SLF2: variants seen among roughly 807,000 people sequenced by gnomAD.
SLF2 encodes SMC5-SMC6 complex localization factor protein 2.
SLF2 carries 68 observed loss-of-function variants against 124.3 expected under a neutral mutation model. That is an observed-to-expected ratio of 0.55 (90% CI 0.45 to 0.67). The LOEUF (loss-of-function observed/expected upper bound fraction) is 0.67, where lower values mean the gene tolerates loss of function less well. SLF2 is among the 30% of genes least tolerant of loss of function. The probability of loss-of-function intolerance (pLI) is 0.00; values close to 1 mark genes in which losing one functional copy is unlikely to be tolerated. For synonymous variants in SLF2, 480 were observed against 478.8 expected (o/e 1.00, Z -0.03); for missense variants, 1,246 against 1,373.7 (o/e 0.91, Z 1.47).
At chr10:100,930,375 C>A (rs1374227785) in intron 8 of SLF2, among the ~76,000 whole-genome samples, 5 of 152,202 alleles carry the variant, frequency 3.3e-5, no homozygotes, top group African/African-American at 1.2e-4. Flanking sequence ...GGGTGCTGTT[C>A]TAGCTCCAGC....
intron 19 of SLF2, among the ~76,000 whole-genome samples, chr10:100,960,291 A>G (rs1850404656): frequency 6.6e-6 from 1 of 152,248 alleles, no homozygotes; most frequent in South Asian, 2.1e-4. Context: ...TTGAAAAGGA[A>G]GTCAAATTGC....
rs1271865330 is a variant in SLF2, at chr10:100,963,634, T to A, written c.*1722T>A. The A allele has an allele frequency of 6.5e-6, 1 of 152,674 alleles. No individual in the cohort carries two copies. The highest frequency in any genetic ancestry group is 1.5e-5 in the Non-Finnish European group (1 of 68,034). 9.5% of individuals were successfully genotyped at this position (152,674 alleles called of 1,614,324 possible). A position where few individuals can be genotyped will look rare whatever the true frequency, so the allele number is the denominator to read the frequency against. ...TTGTAGATACATTATTTGTGTGTAA[T>A]TTTATACGTGTTCATATTTTTCTCA... On this transcript the variant is annotated 3_prime_UTR_variant, in exon 20 of 20. Transcript: ENST00000238961.
At position 100,917,768 on chromosome 10, in the gene SLF2, G is replaced by A. The variant is rs561192066; in HGVS notation, c.915+468G>A. Among the ~76,000 whole-genome samples the A allele has an allele frequency of 2.0e-5, 3 of 152,208 alleles. No homozygotes were observed. The South Asian group carries it at 6.2e-4, about 32-fold the overall frequency. ...ATTTTTGTATTTTTTTGTAGAGACA[G>A]GTCTCCCTATACTGCCCAGGCTGGC... On this transcript the variant is annotated intron_variant, in intron 3 of 19. Coordinates refer to ENST00000238961, the MANE Select transcript of SLF2 (RefSeq NM_018121.4).
chr10:100,957,330 A>ATTTTTTTTTTTTTTTTTTTTTTTTT (rs71013477), intron 18 of SLF2, among the ~76,000 whole-genome samples: 1 of 91,830 alleles, frequency 1.1e-5, no homozygotes, highest in Non-Finnish European at 1.9e-5. Context: ...GGAGTCTTCA[A>ATTTTTTTTTTTTTTTTTTTTTTTTT]TTTTTTTTTT....
chr10:100,923,982 T>C lies in SLF2; in HGVS notation c.981T>C (p.Ser327=). The C allele has an allele frequency of 6.5e-7, 1 of 1,539,850 alleles. No homozygotes were observed. The highest frequency in any genetic ancestry group is 8.7e-7 in the Non-Finnish European group (1 of 1,150,760). ...SDSWEPTSAG[S]KQNKFPEKRK... ...ACAAAAATTAAATTTTAGCAGGCTC[T>C]AAGCAGAATAAATTCCCTGAAAAAA... Residue 327 remains serine (S), a synonymous_variant, in exon 5 of 20, where the codon TCT becomes TCC. Transcript: ENST00000238961.
At chr10:100,913,665 T>C (rs1397691266) in intron 1 of SLF2, 39 of 1,017,430 alleles carry the variant, frequency 3.8e-5, no homozygotes, top group African/African-American at 1.7e-4. Flanking sequence ...TAACCTGTGA[T>C]GAGGGAATCC....
chr10:100,960,539 T>C (rs1365321939), intron 19 of SLF2, among the ~76,000 whole-genome samples: 3 of 152,260 alleles, frequency 2.0e-5, no homozygotes, highest in Non-Finnish European at 4.4e-5. Context: ...CATATGCCTA[T>C]TGGTCATTTG....
chr10:100,929,215 T>A, intron 6 of SLF2, 102 bp from the exon 7 acceptor site: 1 of 1,100,150 alleles, frequency 9.1e-7, no homozygotes, highest in Non-Finnish European at 1.2e-6. Flanking sequence ...TATACCAGGG[T>A]ACTTAATAAG....
Position 100,937,485 on chromosome 10 carries a change from T to C in SLF2, c.2512+8T>C. 4 of 1,496,914 alleles carry C rather than the reference T, an allele frequency of 2.7e-6. No individual in the cohort carries two copies. The highest frequency in any genetic ancestry group is 3.7e-6 in the Non-Finnish European group (4 of 1,073,708). 92.7% of individuals were successfully genotyped at this position (1,496,914 alleles called of 1,614,324 possible). On this transcript the variant is annotated splice_region_variant and intron_variant, in intron 10 of 19. Coordinates refer to ENST00000238961, the MANE Select transcript of SLF2 (RefSeq NM_018121.4). The stretch of plus-strand genomic sequence containing the variant: ...AAATAACAATTAGAAATGGTAAGTA[T>C]ATCAACTTATTAAGATTTACCGTGT...
chr10:100,950,630 A>G (rs887194240), intron 16 of SLF2, 46 bp from the exon 17 acceptor site: 1 of 1,491,930 alleles, frequency 6.7e-7, no homozygotes, highest in African/African-American at 1.4e-5. Flanking sequence ...AATGACATCT[A>G]TGCTAGCTAA....
In SLF2 at chr10:100,913,059, G is replaced by T. The variant is rs1167635461; in HGVS notation, c.-52G>T. Reference sequence around the variant, plus strand: ...GTCCCAGCAGCAAGACGGCAACCACGCACCCAACTTCTCCAGCCACGGCTC... The same window carrying T: ...GTCCCAGCAGCAAGACGGCAACCACTCACCCAACTTCTCCAGCCACGGCTC... On this transcript the variant is annotated 5_prime_UTR_variant, in exon 1 of 20. Coordinates refer to ENST00000238961, the MANE Select transcript of SLF2 (RefSeq NM_018121.4). The T allele has an allele frequency of 3.1e-6, 5 of 1,590,734 alleles. No homozygotes were observed. The highest frequency in any genetic ancestry group is 1.3e-5 in the African/African-American group (1 of 74,074).
Position 100,925,961 on chromosome 10 carries a change from C to T in SLF2, c.1984C>T (p.Pro662Ser), listed in dbSNP as rs766532763. ...QSSDYTGHVH[P>S]GTYTNTLERL... ...GTTCTTGTTTTAGGGACATGTTCAT[C>T]CTGGAACTTACACAAATACCTTAGA... Residue 662 changes from proline (P) to serine (S), a missense_variant, in exon 6 of 20, where the codon CCT becomes TCT. Pro to Ser is a moderately conservative substitution (Grantham distance 74). Coordinates refer to ENST00000238961, the MANE Select transcript of SLF2 (RefSeq NM_018121.4). 6 of 1,599,564 alleles carry T rather than the reference C, an allele frequency of 3.8e-6. No individual in the cohort carries two copies. The East Asian group carries it at 1.1e-4, about 30-fold the overall frequency.
intron 11 of SLF2, among the ~76,000 whole-genome samples, chr10:100,941,280 G>A (rs1254116860): frequency 6.6e-6 from 1 of 152,168 alleles, no homozygotes; most frequent in East Asian, 1.9e-4. Flanking sequence ...TAAATATTTA[G>A]ATAGAGAAAA....
At chr10:100,959,564 T>C (rs1479331653) in intron 19 of SLF2, 68 bp downstream of exon 19, 1 of 1,590,048 alleles carries the variant, frequency 6.3e-7, no homozygotes, top group Non-Finnish European at 8.5e-7. Context: ...TCATACTGTT[T>C]GAAATAAAAT....
At chr10:100,930,405 A>G (rs923303159) in intron 8 of SLF2, among the ~76,000 whole-genome samples, 1 of 152,196 alleles carries the variant, frequency 6.6e-6, no homozygotes, top group African/African-American at 2.4e-5. Flanking sequence ...AAATTCCCAG[A>G]AATTCCACAC....
rs1220821759 is a variant in SLF2 at position 100,945,315 on chromosome 10, A to G, written c.2758-15A>G. 6.5e-7 allele frequency: 1 copy of G among 1,548,964 alleles called. No homozygotes were observed. Among genetic ancestry groups the G allele is most frequent in the South Asian group, 1.3e-5 (1 of 77,778 alleles). ...CCTCCTAAAATATTTTTGTCTGTGCATTTATGTTAAACAGTTTCTAGGCTT... is the reference window on the plus strand; with the variant it reads ...CCTCCTAAAATATTTTTGTCTGTGCGTTTATGTTAAACAGTTTCTAGGCTT... On this transcript the variant is annotated splice_polypyrimidine_tract_variant and intron_variant, in intron 12 of 19. Coordinates refer to ENST00000238961, the MANE Select transcript of SLF2 (RefSeq NM_018121.4).
intron 9 of SLF2, 50 bp from the exon 10 acceptor site, chr10:100,937,352 T>A: frequency 5.0e-6 from 7 of 1,395,628 alleles, no homozygotes; most frequent in Non-Finnish European, 7.1e-6. Flanking sequence ...ATAATGAATG[T>A]TTGTGTTTTC....
At chr10:100,935,845 G>GGT (rs1554879047) in intron 9 of SLF2, among the ~76,000 whole-genome samples, 123 of 132,548 alleles carry the variant, frequency 9.3e-4, no homozygotes, top group African/African-American at 2.9e-3. Context: ...GATTTTTTGG[G>GGT]TTTTTTTTTT....
intron 4 of SLF2, among the ~76,000 whole-genome samples, chr10:100,919,955 A>T (rs1849495602): frequency 6.6e-6 from 1 of 152,260 alleles, no homozygotes; most frequent in South Asian, 2.1e-4. Context: ...AAGAACTCTC[A>T]ACTGGTAAAA....
Sources: allele counts gnomAD v4.1 joint callset (sites outside exome capture counted in the v4.1 genomes callset), GRCh38; gene constraint gnomAD v4.1.1; transcripts MANE v1.5; gene names NCBI Gene and HGNC (gene_info 2026-07-23, HGNC 2026-07-21).